Variants in TTC19 observed in about 807,000 individuals in gnomAD.
The protein encoded by TTC19 is tetratricopeptide repeat protein 19, mitochondrial.
TTC19 carries 38 observed loss-of-function variants against 49.5 expected under a neutral mutation model. The observed-to-expected ratio is 0.77, with a 90% confidence interval of 0.59 to 1.01. The LOEUF (loss-of-function observed/expected upper bound fraction) is 1.01. Among genes scored for constraint, TTC19 ranks in the 50% least tolerant of loss-of-function variants. The pLI is 0.00. For synonymous variants in TTC19, 204 were observed against 185.2 expected (o/e 1.10, Z -0.83); for missense variants, 475 against 477.7 (o/e 0.99, Z 0.05).
intron 7 of TTC19, among the ~76,000 whole-genome samples, chr17:16,009,224 C>G (rs949226703): frequency 3.3e-5 from 5 of 152,234 alleles, no homozygotes; most frequent in Admixed American, 1.3e-4. Context: ...GAACTATTTA[C>G]ACCTTTGCTG....
Position 16,028,535 on chromosome 17 carries a change from G to C in TTC19, c.*1013G>C, listed in dbSNP as rs1258716537. The C allele has an allele frequency of 4.4e-6, 2 of 453,892 alleles. No homozygotes were observed. Among genetic ancestry groups the C allele is most frequent in the Non-Finnish European group, 8.8e-6 (2 of 226,778 alleles). 28.1% of individuals were successfully genotyped at this position (453,892 alleles called of 1,614,324 possible). On this transcript the variant is annotated 3_prime_UTR_variant, in exon 10 of 10. Transcript: ENST00000261647. The stretch of plus-strand genomic sequence containing the variant: ...CTTTGAATGAATAGACTGCTGTGCT[G>C]AAAGAGCTTTATCACACTGTCTCAA...
chr17:16,012,070 A>C (rs1971088006), intron 7 of TTC19, among the ~76,000 whole-genome samples: 1 of 148,648 alleles, frequency 6.7e-6, no homozygotes, highest in Admixed American at 6.7e-5. Flanking sequence ...TTTATTTTTT[A>C]TTGGAGCTTT....
rs1371881979 is a variant in TTC19, at chr17:16,029,309, G to C, written c.*1787G>C. On this transcript the variant is annotated 3_prime_UTR_variant, in exon 10 of 10. Coordinates refer to ENST00000261647, the MANE Select transcript of TTC19 (RefSeq NM_017775.4). ...TTCATTTACACTGTTGTAAAATAAGGTACTGAAGCAAAAGGAGGACTGATC... is the reference window on the plus strand; with the variant it reads ...TTCATTTACACTGTTGTAAAATAAGCTACTGAAGCAAAAGGAGGACTGATC... The C allele has an allele frequency of 6.7e-6, 3 of 446,352 alleles. No individual in the cohort carries two copies. The highest frequency in any genetic ancestry group is 1.3e-5 in the Non-Finnish European group (3 of 223,750). The allele number at this position is 446,352 out of a possible 1,614,324, so 27.6% of individuals were successfully genotyped here. A position where few individuals can be genotyped will look rare whatever the true frequency, so the allele number is the denominator to read the frequency against.
At chr17:16,002,921 A>G (rs1970785906) in intron 4 of TTC19, 90 bp downstream of exon 4, 1 of 1,199,726 alleles carries the variant, frequency 8.3e-7, no homozygotes, top group Non-Finnish European at 1.2e-6. Flanking sequence ...AGCTGCTATA[A>G]CAAAGAGACC....
intron 6 of TTC19, among the ~76,000 whole-genome samples, chr17:16,005,720 T>C (rs1340900311): frequency 2.0e-5 from 3 of 152,168 alleles, no homozygotes; most frequent in East Asian, 3.9e-4. Context: ...CAGAGACTTA[T>C]AGCTTGAAAG....
chr17:15,999,834 G>A lies in TTC19; in HGVS notation c.-15G>A, dbSNP rs73276080. On this transcript the variant is annotated 5_prime_UTR_variant, in exon 1 of 10. Coordinates refer to ENST00000261647, the MANE Select transcript of TTC19 (RefSeq NM_017775.4). ...GCGCGTCTGGCCTGCAGTGCGCAGA[G>A]GACGCGGCGGGAGCATGTTCCGGCT... 9,477 of 1,533,502 alleles carry A rather than the reference G, an allele frequency of 6.2e-3. 482 individuals carry two copies. In the African/African-American group the frequency reaches 0.11, roughly 19 times the overall value. The allele number at this position is 1,533,502 out of a possible 1,614,324, so 95.0% of individuals were successfully genotyped here.
chr17:16,025,498 CT>C (rs1474490195), intron 8 of TTC19, among the ~76,000 whole-genome samples: 1 of 152,188 alleles, frequency 6.6e-6, no homozygotes, highest in African/African-American at 2.4e-5. Context: ...CTAGATACCC[CT>C]ATTAGAAGCT....
chr17:16,030,023 CTT>C (rs1026338067), downstream of TTC19: 1 of 171,874 alleles, frequency 5.8e-6, no homozygotes, highest in Non-Finnish European at 1.3e-5. Context: ...CCACATCTAA[CTT>C]TGACTCCTCC....
chr17:16,044,930 T>C, exon 3 of TTC19: 1 of 661,360 alleles, frequency 1.5e-6, no homozygotes, highest in Non-Finnish European at 2.7e-6. Context: ...AGGAGTCTGA[T>C]GATGACATGG....
At chr17:16,006,658 A>G (rs978836245) in intron 7 of TTC19, 90 bp downstream of exon 7, 1 of 941,794 alleles carries the variant, frequency 1.1e-6, no homozygotes, top group Non-Finnish European at 1.7e-6. Context: ...TAAATTGGGA[A>G]GAGGGAAAGT....
rs1032222917 is a variant in TTC19 at position 16,009,303 on chromosome 17, A to G, written c.676+2735A>G. Among the ~76,000 whole-genome samples, 111 of 152,248 alleles carry G rather than the reference A, an allele frequency of 7.3e-4. 1 individual carries two copies. The highest frequency in any genetic ancestry group is 7.2e-3 in the Admixed American group (110 of 15,288). On this transcript the variant is annotated intron_variant, in intron 7 of 9. Coordinates refer to ENST00000261647, the MANE Select transcript of TTC19 (RefSeq NM_017775.4). ...GCTATATTTTCTGATTCAAAAAATA[A>G]TACCAGTAAACACTGAAGAAAGTTT...
intron 7 of TTC19, among the ~76,000 whole-genome samples, chr17:16,017,837 T>A (rs1348805508): frequency 1.6e-5 from 2 of 126,728 alleles, no homozygotes; most frequent in Non-Finnish European, 3.8e-5. Context: ...GTGCTTTCCA[T>A]TTTTGTTAAT....
chr17:16,037,952 A>C (rs961106450), intron 2 of TTC19, among the ~76,000 whole-genome samples: 2 of 152,214 alleles, frequency 1.3e-5, no homozygotes, highest in African/African-American at 4.8e-5. Context: ...CTATACAACC[A>C]GTACAATTGT....
intron 7 of TTC19, among the ~76,000 whole-genome samples, chr17:16,007,838 CTG>C (rs1198304285): frequency 6.6e-6 from 1 of 152,154 alleles, no homozygotes; most frequent in African/African-American, 2.4e-5. Flanking sequence ...CTGCAGATAA[CTG>C]AAACCCCAGA....
intron 2 of TTC19, among the ~76,000 whole-genome samples, chr17:16,001,425 C>T (rs1054382615): frequency 1.1e-4 from 16 of 152,098 alleles, no homozygotes; most frequent in African/African-American, 3.9e-4. Flanking sequence ...CATTGTTCTC[C>T]CCAGGTCCTT....
intron 7 of TTC19, among the ~76,000 whole-genome samples, chr17:16,017,155 A>G (rs1369614132): frequency 6.6e-6 from 1 of 152,170 alleles, no homozygotes; most frequent in Non-Finnish European, 1.5e-5. Flanking sequence ...TATATTATCT[A>G]CTATATCTTA....
intron 7 of TTC19, among the ~76,000 whole-genome samples, chr17:16,022,234 G>T (rs1971407228): frequency 2.0e-5 from 3 of 152,198 alleles, no homozygotes; most frequent in Admixed American, 2.0e-4. Context: ...TCAACTCACA[G>T]ACTCTCCACT....
chr17:16,000,003 G>C lies in TTC19; in HGVS notation c.155G>C (p.Arg52Pro), dbSNP rs886052626. The C allele has an allele frequency of 3.2e-6, 4 of 1,254,434 alleles. No homozygotes were observed. Among genetic ancestry groups the C allele is most frequent in the South Asian group, 2.9e-5 (1 of 34,974 alleles). 77.7% of individuals were successfully genotyped at this position (1,254,434 alleles called of 1,614,324 possible). A position where few individuals can be genotyped will look rare whatever the true frequency, so the allele number is the denominator to read the frequency against. The change falls in exon 1 of 10, where the codon CGG becomes CCG. Residue 52 changes from arginine to proline, a missense_variant. Arg to Pro is a moderately radical substitution (Grantham distance 103). Coordinates refer to ENST00000261647, the MANE Select transcript of TTC19 (RefSeq NM_017775.4). ...VPPSRVAPHGRGPGLLPLLAA... is the reference protein window; with the variant it reads ...VPPSRVAPHGPGPGLLPLLAA... ...CCATCCCGAGTCGCGCCGCACGGCC[G>C]GGGCCCAGGCCTGCTGCCGCTGCTG...
intron 7 of TTC19, among the ~76,000 whole-genome samples, chr17:16,019,177 A>T (rs1247352245): frequency 6.6e-6 from 1 of 152,166 alleles, no homozygotes; most frequent in Non-Finnish European, 1.5e-5. Flanking sequence ...TACTAAAAAT[A>T]CAAAAATTAG....
Sources: gnomAD v4.1 joint callset for allele counts (sites outside exome capture counted in the v4.1 genomes callset) on GRCh38, gnomAD v4.1.1 for gene constraint, MANE v1.5 for transcripts, NCBI Gene and HGNC (gene_info 2026-07-23, HGNC 2026-07-21) for gene names.